Variants in VPS13C observed in about 807,000 individuals in gnomAD.
VPS13C encodes intermembrane lipid transfer protein VPS13C.
VPS13C carries 358 observed loss-of-function variants against 456.8 expected under a neutral mutation model. The ratio of observed to expected loss-of-function variants is 0.78; its 90% confidence interval spans 0.72 to 0.86. VPS13C has a LOEUF of 0.86. VPS13C is among the 40% of genes least tolerant of loss of function. The pLI, the probability that VPS13C is intolerant of heterozygous loss-of-function variation, is 0.00. For missense variants in VPS13C, 4,818 were observed against 4,385.4 expected (o/e 1.10, Z -2.79); for synonymous variants, 1,578 against 1,486.7 (o/e 1.06, Z -1.41).
intron 67 of VPS13C, among the ~76,000 whole-genome samples, chr15:61,889,320 A>G (rs1566971246): frequency 6.6e-6 from 1 of 152,104 alleles, no homozygotes; most frequent in East Asian, 1.9e-4. Flanking sequence ...CTATCTACAT[A>G]TAAATATATT....
chr15:61,852,819 A>C lies in VPS13C; in HGVS notation c.*1638T>G, dbSNP rs1169334935. On this transcript the variant is annotated 3_prime_UTR_variant, in exon 85 of 85. Coordinates refer to ENST00000644861, the MANE Select transcript of VPS13C (RefSeq NM_020821.3). ...CAAACAGAGATCAAACATTTAGGGC[A>C]TTAGTTACTGCATTCTCTTTTTAGA... The C allele has an allele frequency of 6.6e-6, 1 of 152,188 alleles. No individual in the cohort carries two copies. The highest frequency in any genetic ancestry group is 6.5e-5 in the Admixed American group (1 of 15,276). The allele number at this position is 152,188 out of a possible 1,614,324, so 9.4% of individuals were successfully genotyped here. A position where few individuals can be genotyped will look rare whatever the true frequency, so the allele number is the denominator to read the frequency against.
At chr15:61,910,954 T>TA (rs2043285787) in intron 63 of VPS13C, among the ~76,000 whole-genome samples, 1 of 152,200 alleles carries the variant, frequency 6.6e-6, no homozygotes, top group African/African-American at 2.4e-5. Flanking sequence ...AATAAGCACT[T>TA]ACTTGTTGCT....
chr15:61,926,327 T>C (rs2043848032), intron 52 of VPS13C, among the ~76,000 whole-genome samples: 1 of 152,100 alleles, frequency 6.6e-6, no homozygotes, highest in Non-Finnish European at 1.5e-5. Flanking sequence ...TTGAGCCCAG[T>C]AGTTTGAGGC....
At chr15:62,039,612 TCAA>T (rs1196189180) in intron 3 of VPS13C, among the ~76,000 whole-genome samples, 2 of 152,126 alleles carry the variant, frequency 1.3e-5, no homozygotes, top group Admixed American at 1.3e-4. Flanking sequence ...GAAAAGGTGC[TCAA>T]CATCACATCA....
At chr15:61,967,750 T>C (rs751865827) in intron 28 of VPS13C, among the ~76,000 whole-genome samples, 1 of 152,040 alleles carries the variant, frequency 6.6e-6, no homozygotes, top group Non-Finnish European at 1.5e-5. Context: ...TAATTTCCTT[T>C]TGTTTAAACT....
At chr15:61,927,464 T>C (rs1754472634) in intron 51 of VPS13C, 144 bp from the exon 52 acceptor site, 2 of 627,988 alleles carry the variant, frequency 3.2e-6, no homozygotes, top group Non-Finnish European at 5.5e-6. Context: ...GGTTAATTAA[T>C]ACTAATTATT....
chr15:62,032,855 A>T (rs2047864375), intron 5 of VPS13C, among the ~76,000 whole-genome samples: 1 of 151,806 alleles, frequency 6.6e-6, no homozygotes, highest in East Asian at 1.9e-4. Context: ...ACTCTTTTTC[A>T]TCATATCCTT....
At chr15:61,977,244 G>A (rs1269950566) in intron 23 of VPS13C, 45 bp from the exon 24 acceptor site, 4 of 1,161,610 alleles carry the variant, frequency 3.4e-6, no homozygotes, top group Non-Finnish European at 4.8e-6. Context: ...TTTACAAACA[G>A]CCATGGAACA....
rs1210409091 is a variant in VPS13C, at chr15:61,931,083, G to C, written c.6038+7C>G. On this transcript the variant is annotated splice_region_variant and intron_variant, in intron 50 of 84. Transcript: ENST00000644861. ...AATAATGTATTGCAAACTCAGAGCT[G>C]ACAAACCTCGATGTTGCTCTCTCAA... 2 of 1,613,728 alleles carry C rather than the reference G, an allele frequency of 1.2e-6. No individual in the cohort carries two copies. The highest frequency in any genetic ancestry group is 1.3e-5 in the African/African-American group (1 of 74,924).
intron 49 of VPS13C, 28 bp downstream of exon 49, chr15:61,934,191 T>C (rs781187016): frequency 8.1e-6 from 12 of 1,479,080 alleles, no homozygotes; most frequent in Non-Finnish European, 1.1e-5. Flanking sequence ...TAAGGATTTA[T>C]TTCTAATTAC....
At chr15:62,033,578 G>T in intron 4 of VPS13C, 36 bp from the exon 5 acceptor site, 2 of 1,418,792 alleles carry the variant, frequency 1.4e-6, no homozygotes, top group South Asian at 1.3e-5. Context: ...AAAAATAAAT[G>T]GAATTAATAA....
At chr15:61,983,540 T>A (rs894020165) in intron 20 of VPS13C, among the ~76,000 whole-genome samples, 4 of 152,140 alleles carry the variant, frequency 2.6e-5, no homozygotes, top group Non-Finnish European at 5.9e-5. Context: ...AATTTGGAAG[T>A]CGTTGGCAAA....
chr15:62,011,645 C>T (rs2047041043), intron 12 of VPS13C, among the ~76,000 whole-genome samples: 1 of 151,748 alleles, frequency 6.6e-6, no homozygotes, highest in African/African-American at 2.4e-5. Context: ...TGTTAGAGAT[C>T]CAGTTGTAAA....
intron 66 of VPS13C, among the ~76,000 whole-genome samples, chr15:61,900,322 T>G (rs1037983713): frequency 1.2e-4 from 18 of 152,174 alleles, no homozygotes; most frequent in African/African-American, 4.3e-4. Context: ...GAAGTCAAAT[T>G]GTCCCTGTTT....
At chr15:62,044,315 A>G (rs1207475540) in intron 1 of VPS13C, 60 bp from the exon 2 acceptor site, 7 of 1,040,420 alleles carry the variant, frequency 6.7e-6, no homozygotes, top group Non-Finnish European at 9.8e-6. Context: ...TAAACCTATC[A>G]CAATGTAGTA....
chr15:62,038,588 AAATT>A (rs993058136), intron 3 of VPS13C, among the ~76,000 whole-genome samples: 2 of 152,200 alleles, frequency 1.3e-5, no homozygotes, highest in African/African-American at 4.8e-5. Flanking sequence ...CTTTGTCTCT[AAATT>A]AATTAATTAA....
rs552471595 is a variant in VPS13C, at chr15:62,052,396, C to T, written c.100+7879G>A. Reference sequence around the variant, plus strand: ...TTATGTTTTAGTAAAGAATACCAGGCCTGGTGCGGTGACTCACGCCTGTAA... The same window carrying T: ...TTATGTTTTAGTAAAGAATACCAGGTCTGGTGCGGTGACTCACGCCTGTAA... On this transcript the variant is annotated intron_variant, in intron 1 of 84. Coordinates refer to ENST00000644861, the MANE Select transcript of VPS13C (RefSeq NM_020821.3). Among the ~76,000 whole-genome samples, 364 of 152,142 alleles carry T rather than the reference C, an allele frequency of 2.4e-3. 1 individual carries two copies. The highest frequency in any genetic ancestry group is 4.0e-3 in the Non-Finnish European group (272 of 68,012).
chr15:61,931,657 A>G (rs564856274), intron 49 of VPS13C, among the ~76,000 whole-genome samples: 1 of 148,756 alleles, frequency 6.7e-6, no homozygotes, highest in African/African-American at 2.5e-5. Context: ...GGCTCACTGC[A>G]TCCTCCACCT....
intron 23 of VPS13C, among the ~76,000 whole-genome samples, chr15:61,977,906 G>A (rs533856866): frequency 7.2e-5 from 11 of 152,040 alleles, no homozygotes; most frequent in African/African-American, 1.4e-4. Flanking sequence ...ATGTATTTAC[G>A]TTTTAATAAA....
Sources: gnomAD v4.1 joint callset for allele counts (sites outside exome capture counted in the v4.1 genomes callset) on GRCh38, gnomAD v4.1.1 for gene constraint, MANE v1.5 for transcripts, NCBI Gene and HGNC (gene_info 2026-07-23, HGNC 2026-07-21) for gene names.